Variants in LRP1B observed in about 807,000 individuals in gnomAD.
LRP1B encodes the protein low-density lipoprotein receptor-related protein 1B.
In LRP1B, 217 loss-of-function variants were observed where a neutral mutation model predicts 556.6. The observed-to-expected ratio is 0.39, with a 90% CI of 0.35 to 0.44. The LOEUF is 0.44. LRP1B is among the 20% of genes least tolerant of loss of function. LRP1B has a pLI of 1.00. For missense variants in LRP1B, 5,053 were observed against 5,620.8 expected (o/e 0.90, Z 3.23); for synonymous variants, 2,047 against 1,865.8 (o/e 1.10, Z -2.50).
chr2:141,840,616 T>C (rs1185168269), intron 1 of LRP1B, among the ~76,000 whole-genome samples: 4 of 152,088 alleles, frequency 2.6e-5, no homozygotes, highest in African/African-American at 9.7e-5. Context: ...AGCCCAGTAC[T>C]GTTTTAGACA....
At chr2:141,328,622 TC>T (rs1687518270) in intron 3 of LRP1B, among the ~76,000 whole-genome samples, 1 of 152,214 alleles carries the variant, frequency 6.6e-6, no homozygotes, top group South Asian at 2.1e-4. Context: ...GGTATTCTGC[TC>T]CTGCAAAGCT....
chr2:140,800,263 G>A (rs546689140), intron 32 of LRP1B, among the ~76,000 whole-genome samples: 44 of 152,204 alleles, frequency 2.9e-4, no homozygotes, highest in Non-Finnish European at 4.9e-4. Flanking sequence ...GAGGAGGAGC[G>A]GGGAGGGAAA....
At chr2:140,258,279 TTACA>T (rs1288623729) in intron 86 of LRP1B, among the ~76,000 whole-genome samples, 1 of 151,550 alleles carries the variant, frequency 6.6e-6, no homozygotes, top group African/African-American at 2.4e-5. Context: ...CCTGTGGTAC[TTACA>T]TATTCACCTT....
intron 2 of LRP1B, among the ~76,000 whole-genome samples, chr2:141,795,896 A>G (rs1411810164): frequency 2.6e-5 from 2 of 78,358 alleles, no homozygotes; most frequent in African/African-American, 9.1e-5. Context: ...ATATATATAT[A>G]TATAATCTTT....
chr2:141,783,451 A>G (rs1416682248), intron 2 of LRP1B, among the ~76,000 whole-genome samples: 2 of 152,024 alleles, frequency 1.3e-5, no homozygotes, highest in Non-Finnish European at 2.9e-5. Context: ...CACATTGAAA[A>G]TTTCCTTGAC....
chr2:140,416,849 C>A (rs1000664376), intron 66 of LRP1B, among the ~76,000 whole-genome samples: 1 of 152,140 alleles, frequency 6.6e-6, no homozygotes, highest in South Asian at 2.1e-4. Context: ...ATGCCTCTTG[C>A]CCACACTGCA....
At chr2:142,099,290 C>T (rs1392760355) in intron 1 of LRP1B, among the ~76,000 whole-genome samples, 2 of 151,750 alleles carry the variant, frequency 1.3e-5, no homozygotes, top group Non-Finnish European at 2.9e-5. Flanking sequence ...TGGGCTTTAC[C>T]TTCAAAGAGT....
chr2:140,992,362 C>A (rs1397672208), intron 16 of LRP1B, among the ~76,000 whole-genome samples: 1 of 151,878 alleles, frequency 6.6e-6, no homozygotes, highest in African/African-American at 2.4e-5. Flanking sequence ...CTTCTTCTAC[C>A]CATAGAGGAG....
intron 7 of LRP1B, among the ~76,000 whole-genome samples, chr2:141,095,967 A>G (rs1258873255): frequency 6.6e-6 from 1 of 152,044 alleles, no homozygotes; most frequent in African/African-American, 2.4e-5. Flanking sequence ...AAACTATTCT[A>G]CTATACCGTA....
At chr2:141,139,763 T>G (rs1429190180) in intron 7 of LRP1B, among the ~76,000 whole-genome samples, 2 of 147,504 alleles carry the variant, frequency 1.4e-5, no homozygotes, top group Non-Finnish European at 3.0e-5. Context: ...GTAAAAAAAG[T>G]ACAGCCACAT....
intron 2 of LRP1B, among the ~76,000 whole-genome samples, chr2:141,683,842 G>GC (rs1306582538): frequency 6.6e-6 from 1 of 152,066 alleles, no homozygotes; most frequent in Non-Finnish European, 1.5e-5. Context: ...GATTAAAACT[G>GC]CCCCAGAGTA....
rs541134077 is a variant in LRP1B, at chr2:141,138,194, A to G, written c.1013+50227T>C. 1.7e-4 allele frequency among the ~76,000 whole-genome samples: 26 copies of G among 152,126 alleles called. No individual in the cohort carries two copies. In the South Asian group the frequency reaches 5.4e-3, roughly 32 times the overall value. The stretch of plus-strand genomic sequence containing the variant: ...AATTAAATCATCTCAATAGACAAAA[A>G]AATCGTTTGACAAAATCTAACATCC... On this transcript the variant is annotated intron_variant, in intron 7 of 90. Coordinates refer to ENST00000389484, the MANE Select transcript of LRP1B (RefSeq NM_018557.3).
At chr2:140,744,262 T>C (rs142636753) in intron 35 of LRP1B, among the ~76,000 whole-genome samples, 4 of 152,204 alleles carry the variant, frequency 2.6e-5, no homozygotes, top group African/African-American at 7.2e-5. Flanking sequence ...ACCTCAAATA[T>C]ATACAATTTT....
At chr2:141,679,797 G>A (rs1691038994) in intron 2 of LRP1B, among the ~76,000 whole-genome samples, 1 of 151,716 alleles carries the variant, frequency 6.6e-6, no homozygotes, top group Non-Finnish European at 1.5e-5. Flanking sequence ...AAGCACAAAA[G>A]TATACTAATA....
intron 77 of LRP1B, among the ~76,000 whole-genome samples, chr2:140,337,487 C>T (rs796224543): frequency 2.6e-5 from 4 of 151,690 alleles, no homozygotes; most frequent in Non-Finnish European, 5.9e-5. Context: ...TTAAGCTAAC[C>T]GTATTTTTAT....
At chr2:140,532,947 T>TATATATATATATAC in intron 47 of LRP1B, among the ~76,000 whole-genome samples, 2 of 124,282 alleles carry the variant, frequency 1.6e-5, no homozygotes, top group African/African-American at 6.4e-5. Flanking sequence ...TATATATATA[T>TATATATATATATAC]ACACATATAT....
chr2:140,557,524 G>A (rs1175109072), intron 43 of LRP1B, among the ~76,000 whole-genome samples: 1 of 152,026 alleles, frequency 6.6e-6, no homozygotes, highest in Non-Finnish European at 1.5e-5. Context: ...AAAAGTTATT[G>A]AAATGCTCTC....
At chr2:141,848,655 A>G (rs888357586) in intron 1 of LRP1B, among the ~76,000 whole-genome samples, 5 of 151,460 alleles carry the variant, frequency 3.3e-5, no homozygotes, top group Non-Finnish European at 4.4e-5. Context: ...ATATAGATGA[A>G]CTCTGTGCAT....
intron 1 of LRP1B, among the ~76,000 whole-genome samples, chr2:141,964,282 G>A (rs1276212764): frequency 4.7e-5 from 7 of 150,048 alleles, no homozygotes; most frequent in South Asian, 2.1e-4. Flanking sequence ...AGCCTGCATC[G>A]CCAAGTCAAT....
Sources: gnomAD v4.1 joint callset for allele counts (sites outside exome capture counted in the v4.1 genomes callset) on GRCh38, gnomAD v4.1.1 for gene constraint, MANE v1.5 for transcripts, NCBI Gene and HGNC (gene_info 2026-07-23, HGNC 2026-07-21) for gene names.